Variants in POLE4 observed in about 807,000 individuals in gnomAD.
The protein encoded by POLE4 is DNA polymerase epsilon subunit 4.
A neutral mutation model predicts 15.6 loss-of-function variants in POLE4; 15 were observed. The ratio of observed to expected loss-of-function variants is 0.96; its 90% CI spans 0.64 to 1.48. The LOEUF (loss-of-function observed/expected upper bound fraction) is 1.48. Ranked by LOEUF, POLE4 falls within the 40% of genes most tolerant of loss-of-function variation. POLE4 has a pLI of 0.00. For synonymous variants in POLE4, 83 were observed against 63.2 expected (o/e 1.31, Z -1.49); for missense variants, 205 against 151.9 (o/e 1.35, Z -1.84).
At chr2:74,964,364 A>T (rs969876301) in intron 3 of POLE4, among the ~76,000 whole-genome samples, 1 of 152,182 alleles carries the variant, frequency 6.6e-6, no homozygotes, top group African/African-American at 2.4e-5. Flanking sequence ...ATTCCACAAA[A>T]AGAGATATTA....
At position 74,967,659 on chromosome 2, in the gene POLE4, A is replaced by G. The variant is rs3771802; in HGVS notation, c.341-1750A>G. 7.3e-4 allele frequency among the ~76,000 whole-genome samples: 111 copies of G among 152,292 alleles called. 4 individuals carry two copies. In the East Asian group the frequency reaches 0.017, roughly 24 times the overall value. ...CTGTTGTTTCTTTTGGTACTGTCAC[A>G]TGGCCTTTTATCCCCCTATATGCCT... is the stretch of plus-strand genomic sequence containing the variant. On this transcript the variant is annotated intron_variant, in intron 3 of 3. Coordinates refer to ENST00000483063, the MANE Select transcript of POLE4 (RefSeq NM_019896.4).
chr2:74,960,037 T>G, intron 2 of POLE4, 68 bp from the exon 3 acceptor site: 1 of 1,331,434 alleles, frequency 7.5e-7, no homozygotes, highest in Non-Finnish European at 1.1e-6. Context: ...CACTGCAGAT[T>G]GTGCTGTTTT....
intron 3 of POLE4, among the ~76,000 whole-genome samples, chr2:74,964,377 T>TG (rs1368280322): frequency 2.0e-5 from 3 of 152,184 alleles, no homozygotes; most frequent in African/African-American, 7.2e-5. Flanking sequence ...AGATATTAAT[T>TG]GGGATTGTAT....
intron 3 of POLE4, among the ~76,000 whole-genome samples, chr2:74,962,815 T>C (rs765186596): frequency 9.2e-5 from 14 of 152,338 alleles, no homozygotes; most frequent in Admixed American, 3.3e-4. Flanking sequence ...ATTACTTCCT[T>C]TTCTTTATAG....
chr2:74,967,970 A>G (rs1365843304), intron 3 of POLE4, among the ~76,000 whole-genome samples: 2 of 152,204 alleles, frequency 1.3e-5, no homozygotes, highest in East Asian at 3.8e-4. Context: ...TGGGTGTCAG[A>G]CTTCCTTACT....
Position 74,960,120 on chromosome 2 carries a change from C to G in POLE4, c.314C>G (p.Ala105Gly), listed in dbSNP as rs979872444. Residue 105 changes from alanine to glycine, a missense_variant, in exon 3 of 4, where the codon GCT becomes GGT. By Grantham distance (60) the Ala-to-Gly change is moderately conservative (BLOSUM62 0). Transcript: ENST00000483063. The part of the protein sequence containing the change: ...QRRDLDNAIE[A>G]VDEFAFLEGT... ...TGTGTTTCAGATAATGCAATAGAAGCTGTGGATGAATTTGCTTTTCTGGAA... is the reference window on the plus strand; with the variant it reads ...TGTGTTTCAGATAATGCAATAGAAGGTGTGGATGAATTTGCTTTTCTGGAA... 6.2e-7 allele frequency: 1 copy of G among 1,613,670 alleles called. No individual in the cohort carries two copies. Among genetic ancestry groups the G allele is most frequent in the African/African-American group, 1.3e-5 (1 of 74,902 alleles).
chr2:74,969,610 G>C lies in POLE4; in HGVS notation c.*188G>C. On this transcript the variant is annotated 3_prime_UTR_variant, in exon 4 of 4. Transcript: ENST00000483063. ...CTCTGCAAGGTCTTCCACTATTTCT[G>C]TCTGTCTTCCATATCAAGCCTGGAT... 1 of 645,618 alleles carries C rather than the reference G, an allele frequency of 1.5e-6. No homozygotes were observed. Among genetic ancestry groups the C allele is most frequent in the East Asian group, 2.6e-5 (1 of 39,104 alleles). The allele number at this position is 645,618 out of a possible 1,614,324, so 40.0% of individuals were successfully genotyped here. A position where few individuals can be genotyped will look rare whatever the true frequency, so the allele number is the denominator to read the frequency against.
intron 2 of POLE4, 67 bp downstream of exon 2, chr2:74,959,492 T>C: frequency 9.9e-7 from 1 of 1,008,484 alleles, no homozygotes; most frequent in Non-Finnish European, 1.5e-6. Context: ...CTTGTGCAGG[T>C]TGAGAAGACG....
chr2:74,963,709 C>T (rs750042636), intron 3 of POLE4, among the ~76,000 whole-genome samples: 15 of 152,026 alleles, frequency 9.9e-5, no homozygotes, highest in Non-Finnish European at 1.5e-4. Flanking sequence ...AGGCTGGTCT[C>T]GAACTCCTGA....
At chr2:74,960,616 CTAAA>C in intron 3 of POLE4, 2 of 489,646 alleles carry the variant, frequency 4.1e-6, no homozygotes, top group South Asian at 3.0e-5. Context: ...TGTGTACTAA[CTAAA>C]TTTTGTCATT....
chr2:74,967,352 T>G (rs1457841674), intron 3 of POLE4, among the ~76,000 whole-genome samples: 1 of 151,998 alleles, frequency 6.6e-6, no homozygotes, highest in Non-Finnish European at 1.5e-5. Flanking sequence ...AGTTTTTGTA[T>G]TTTTCAGTAC....
chr2:74,968,093 G>A (rs1671320455), intron 3 of POLE4, among the ~76,000 whole-genome samples: 2 of 152,136 alleles, frequency 1.3e-5, no homozygotes, highest in South Asian at 4.1e-4. Context: ...AACATTAGAG[G>A]CTGGGTTTGT....
intron 3 of POLE4, 26 bp downstream of exon 3, chr2:74,960,172 A>C: frequency 2.5e-6 from 4 of 1,589,158 alleles, no homozygotes; most frequent in Non-Finnish European, 3.5e-6. Flanking sequence ...GTGGGCAATC[A>C]TTTCCGCCTG....
intron 3 of POLE4, among the ~76,000 whole-genome samples, chr2:74,968,685 G>A (rs1339385705): frequency 6.6e-6 from 1 of 151,370 alleles, no homozygotes; most frequent in Non-Finnish European, 1.5e-5. Flanking sequence ...CCTGCCTGTG[G>A]GGAGGGTTGT....
chr2:74,964,739 T>A (rs1671272778), intron 3 of POLE4, among the ~76,000 whole-genome samples: 1 of 152,182 alleles, frequency 6.6e-6, no homozygotes, highest in African/African-American at 2.4e-5. Flanking sequence ...TTGAATGACA[T>A]ATCTGTTGAT....
At position 74,958,756 on chromosome 2, in the gene POLE4, AG is replaced by A; in HGVS notation, c.78del (p.Gln26HisfsTer21). On this transcript the variant is annotated frameshift_variant, in exon 1 of 4. Coordinates refer to ENST00000483063, the MANE Select transcript of POLE4 (RefSeq NM_019896.4). LOFTEE classifies it high-confidence loss of function. ...EGPAGEAAAS[Q>X]PQAPTSVPGA... Reference sequence around the variant, plus strand: ...CCTGCTGGGGAGGCAGCGGCCTCGCAGCCCCAGGCCCCAACGAGTGTGCCTG... The same window carrying A: ...CCTGCTGGGGAGGCAGCGGCCTCGCACCCCAGGCCCCAACGAGTGTGCCTG... 4 of 1,530,602 alleles carry A rather than the reference AG, an allele frequency of 2.6e-6. No homozygotes were observed. The highest frequency in any genetic ancestry group is 2.6e-6 in the Non-Finnish European group (3 of 1,138,882). 94.8% of individuals were successfully genotyped at this position (1,530,602 alleles called of 1,614,324 possible). A position where few individuals can be genotyped will look rare whatever the true frequency, so the allele number is the denominator to read the frequency against.
chr2:74,965,203 C>T (rs917724019), intron 3 of POLE4, among the ~76,000 whole-genome samples: 1 of 151,472 alleles, frequency 6.6e-6, no homozygotes, highest in Non-Finnish European at 1.5e-5. Context: ...AAGTGATTCT[C>T]CTGCCTCAGC....
At position 74,959,193 on chromosome 2, in the gene POLE4, T is replaced by A. The variant is rs1482309985; in HGVS notation, c.214-148T>A. ...GGGAAGAGGGTAGCGGAATGGATCTTCATGAAGTCCAGGACAATCTTAGCT... is the reference window on the plus strand; with the variant it reads ...GGGAAGAGGGTAGCGGAATGGATCTACATGAAGTCCAGGACAATCTTAGCT... On this transcript the variant is annotated intron_variant, in intron 1 of 3. Transcript: ENST00000483063. 7 of 626,612 alleles carry A rather than the reference T, an allele frequency of 1.1e-5. No individual in the cohort carries two copies. The African/African-American group carries it at 1.3e-4, about 12-fold the overall frequency. 38.8% of individuals were successfully genotyped at this position (626,612 alleles called of 1,614,324 possible).
At chr2:74,966,943 T>G (rs1452583022) in intron 3 of POLE4, among the ~76,000 whole-genome samples, 2 of 152,220 alleles carry the variant, frequency 1.3e-5, no homozygotes, top group Non-Finnish European at 2.9e-5. Context: ...CTATGTTTTC[T>G]ATAGAGAAAT....
Sources: gnomAD v4.1 joint callset for allele counts (sites outside exome capture counted in the v4.1 genomes callset) on GRCh38, gnomAD v4.1.1 for gene constraint, MANE v1.5 for transcripts, NCBI Gene and HGNC (gene_info 2026-07-23, HGNC 2026-07-21) for gene names.